TP73: variants seen among roughly 807,000 people sequenced by gnomAD.
TP73 encodes the protein p53-like transcription factor.
In TP73, 25 loss-of-function variants were observed where a neutral mutation model predicts 62.5. The observed-to-expected ratio is 0.40, with a 90% CI of 0.29 to 0.56. The LOEUF is 0.56. TP73 is among the 20% of genes least tolerant of loss of function. The probability of loss-of-function intolerance (pLI) is 0.46; values close to 1 mark genes in which losing one functional copy is unlikely to be tolerated. For synonymous variants in TP73, 423 were observed against 377.5 expected (o/e 1.12, Z -1.40); for missense variants, 754 against 913.3 (o/e 0.83, Z 2.25).
At position 3,675,437 on chromosome 1, in the gene TP73, T is replaced by G. The variant is rs1645341034; in HGVS notation, c.-33-6896T>G. Reference sequence around the variant, plus strand: ...GTTTGGGAACCACCGGAATCAGAAGTGCATTGAGATGTTTGCTTTAGGGGT... The same window carrying G: ...GTTTGGGAACCACCGGAATCAGAAGGGCATTGAGATGTTTGCTTTAGGGGT... On this transcript the variant is annotated intron_variant, in intron 1 of 13. Transcript: ENST00000378295. 3.3e-5 allele frequency among the ~76,000 whole-genome samples: 5 copies of G among 152,140 alleles called. No homozygotes were observed. In the South Asian group the frequency reaches 1.0e-3, roughly 32 times the overall value.
intron 10 of TP73, 196 bp from the exon 11 acceptor site, chr1:3,729,804 C>G (rs2124536004): frequency 1.2e-6 from 1 of 855,742 alleles, no homozygotes; most frequent in East Asian, 2.7e-5. Flanking sequence ...CCGCCATGGC[C>G]AGTGTCCTTC....
intron 1 of TP73, among the ~76,000 whole-genome samples, chr1:3,658,261 C>G (rs1644909003): frequency 6.6e-6 from 1 of 152,214 alleles, no homozygotes; most frequent in Non-Finnish European, 1.5e-5. Context: ...AAAGAGCAAG[C>G]TGTGGAGAGG....
At chr1:3,729,729 G>C (rs1322340846) in intron 10 of TP73, 1 of 756,480 alleles carries the variant, frequency 1.3e-6, no homozygotes. Flanking sequence ...TGGCCAGAGT[G>C]ACCATGACCC....
chr1:3,680,105 CTCTG>C (rs1645486189), intron 1 of TP73, among the ~76,000 whole-genome samples: 1 of 152,176 alleles, frequency 6.6e-6, no homozygotes, highest in African/African-American at 2.4e-5. Flanking sequence ...GTCTCTCTGT[CTCTG>C]TCTCTCTCTG....
intron 6 of TP73, among the ~76,000 whole-genome samples, chr1:3,725,416 T>C (rs1641424758): frequency 8.3e-6 from 1 of 120,212 alleles, no homozygotes; most frequent in African/African-American, 3.4e-5. Context: ...GGTGGATGAA[T>C]GGATGGATGG....
In TP73 at chr1:3,696,343, G is replaced by T. The variant is rs1638653562; in HGVS notation, c.187-11206G>T. Among the ~76,000 whole-genome samples the T allele has an allele frequency of 6.6e-6, 1 of 152,116 alleles. No individual in the cohort carries two copies. The highest frequency in any genetic ancestry group is 2.4e-5 in the African/African-American group (1 of 41,414). ...AAGGCCGGCAGGGTCTGGATGTGAG[G>T]TGGGTAAGGAGTTGGGGCCACACTG... On this transcript the variant is annotated intron_variant, in intron 3 of 13. Coordinates refer to ENST00000378295, the MANE Select transcript of TP73 (RefSeq NM_005427.4). The surrounding 1 kb of genome is among the most constrained non-coding windows in gnomAD (Gnocchi z 4.1).
At position 3,696,350 on chromosome 1, in the gene TP73, A is replaced by G. The variant is rs1214670938; in HGVS notation, c.187-11199A>G. Among the ~76,000 whole-genome samples the G allele has an allele frequency of 6.6e-6, 1 of 151,918 alleles. No homozygotes were observed. Among genetic ancestry groups the G allele is most frequent in the Non-Finnish European group, 1.5e-5 (1 of 67,988 alleles). On this transcript the variant is annotated intron_variant, in intron 3 of 13. Transcript: ENST00000378295. The surrounding 1 kb of genome is among the most constrained non-coding windows in gnomAD (Gnocchi z 4.1). ...GCAGGGTCTGGATGTGAGGTGGGTA[A>G]GGAGTTGGGGCCACACTGGCAGGAG...
chr1:3,669,900 G>A lies in TP73; in HGVS notation c.-33-12433G>A, dbSNP rs1202211046. Among the ~76,000 whole-genome samples the A allele has an allele frequency of 3.9e-5, 6 of 152,320 alleles. No individual in the cohort carries two copies. In the East Asian group the frequency reaches 9.7e-4, roughly 25 times the overall value. On this transcript the variant is annotated intron_variant, in intron 1 of 13. Transcript: ENST00000378295. ...GCAGTGCCTGCGGACACATGTGTGC[G>A]CATATGTGAATAGGTGTGTCCATGT...
In TP73 at chr1:3,718,827, GC is replaced by G. The variant is rs1640829028; in HGVS notation, c.430-3190del. ...GGTGGAAGAAGCCTCGGGGGACTCA[GC>G]CCCGGAAAGGGAACTGTAGGGAAGC... is the stretch of plus-strand genomic sequence containing the variant. On this transcript the variant is annotated intron_variant, in intron 4 of 13. Transcript: ENST00000378295. 2.0e-5 allele frequency among the ~76,000 whole-genome samples: 3 copies of G among 152,176 alleles called. No homozygotes were observed. The South Asian group carries it at 6.2e-4, about 31-fold the overall frequency.
chr1:3,732,936 G>C lies in TP73; in HGVS notation c.1768G>C (p.Val590Leu), dbSNP rs746931369. ...GGTCATGGAGGCCGTGCACTTCCGC[G>C]TGCGCCACACCATCACCATCCCCAA... is the stretch of plus-strand genomic sequence containing the variant. ...QRVMEAVHFR[V>L]RHTITIPNRG... Residue 590 changes from valine to leucine, a missense_variant, in exon 14 of 14, where the codon GTG becomes CTG. This residue lies in a region of TP73 where 458 missense variants were observed against 528.7 expected (regional missense o/e 0.87). Coordinates refer to ENST00000378295, the MANE Select transcript of TP73 (RefSeq NM_005427.4). 6.2e-7 allele frequency: 1 copy of C among 1,609,900 alleles called. No homozygotes were observed. Among genetic ancestry groups the C allele is most frequent in the Non-Finnish European group, 8.5e-7 (1 of 1,179,374 alleles).
At chr1:3,653,042 C>G (rs1056078121) in intron 1 of TP73, among the ~76,000 whole-genome samples, 7 of 151,910 alleles carry the variant, frequency 4.6e-5, no homozygotes, top group Admixed American at 1.3e-4. Flanking sequence ...AAATCGCCAG[C>G]AAGCTCCTCC....
chr1:3,677,355 G>A (rs1215383081), intron 1 of TP73, among the ~76,000 whole-genome samples: 1 of 152,170 alleles, frequency 6.6e-6, no homozygotes, highest in Non-Finnish European at 1.5e-5. Context: ...TGTAGGACTT[G>A]GAACGCTGGT....
intron 1 of TP73, among the ~76,000 whole-genome samples, chr1:3,673,645 C>A (rs1005960869): frequency 4.6e-5 from 7 of 152,122 alleles, no homozygotes; most frequent in Non-Finnish European, 7.4e-5. Flanking sequence ...GAGTGTGTGC[C>A]CGGCAGTGCT....
chr1:3,688,372 G>C (rs1459341850), intron 3 of TP73, among the ~76,000 whole-genome samples: 1 of 152,190 alleles, frequency 6.6e-6, no homozygotes, highest in Non-Finnish European at 1.5e-5. Context: ...GTTTGGCCTT[G>C]AACTGACACA....
At chr1:3,710,862 C>A (rs1640084162) in intron 4 of TP73, among the ~76,000 whole-genome samples, 1 of 152,248 alleles carries the variant, frequency 6.6e-6, no homozygotes, top group Non-Finnish European at 1.5e-5. Flanking sequence ...GGCCTCCCCC[C>A]ATCACTGCCC....
intron 1 of TP73, among the ~76,000 whole-genome samples, chr1:3,657,279 G>C (rs917619386): frequency 6.6e-6 from 1 of 152,168 alleles, no homozygotes; most frequent in Non-Finnish European, 1.5e-5. Flanking sequence ...CCTAGGATCT[G>C]GGGGCTGCCG....
intron 9 of TP73, 105 bp from the exon 10 acceptor site, chr1:3,729,222 A>G (rs1008625142): frequency 6.7e-7 from 1 of 1,503,658 alleles, no homozygotes; most frequent in African/African-American, 1.4e-5. Flanking sequence ...GAACCCCCAG[A>G]AAGGACAGAT....
chr1:3,726,573 G>A (rs1447750140), intron 6 of TP73, among the ~76,000 whole-genome samples: 3 of 149,424 alleles, frequency 2.0e-5, no homozygotes, highest in South Asian at 2.2e-4. Context: ...GATAATAAGT[G>A]GGGGAGTGGA....
At chr1:3,728,574 C>T (rs1641864972) in intron 9 of TP73, among the ~76,000 whole-genome samples, 1 of 152,244 alleles carries the variant, frequency 6.6e-6, no homozygotes, top group African/African-American at 2.4e-5. Context: ...ACGGCCAGCC[C>T]CCATGAGTGT....
Sources: gnomAD v4.1 joint callset for allele counts (sites outside exome capture counted in the v4.1 genomes callset) on GRCh38, gnomAD v4.1.1 for gene constraint, gnomAD v4.1.1 regional missense constraint, Gnocchi (gnomAD v3.1) non-coding constraint, MANE v1.5 for transcripts, NCBI Gene and HGNC (gene_info 2026-07-23, HGNC 2026-07-21) for gene names.